The following CDK19 variants were observed in gnomAD, a reference collection of about 807,000 sequenced individuals.
The protein encoded by CDK19 is cyclin-dependent kinase 19.
Under a neutral mutation model 68.3 loss-of-function variants are expected in CDK19, and 20 were observed. The observed-to-expected ratio is 0.29, with a 90% CI of 0.21 to 0.43. CDK19 has a LOEUF of 0.43. Among genes scored for constraint, CDK19 ranks in the 20% least tolerant of loss-of-function variants. The pLI is 1.00. For synonymous variants in CDK19, 221 were observed against 222.8 expected (o/e 0.99, Z 0.07); for missense variants, 339 against 623.5 (o/e 0.54, Z 4.86).
intron 1 of CDK19, among the ~76,000 whole-genome samples, chr6:110,782,749 C>T (rs1382466083): frequency 1.3e-5 from 2 of 152,138 alleles, no homozygotes; most frequent in Admixed American, 1.3e-4. Context: ...TACTCCCTTT[C>T]TCCATCAGGT....
At chr6:110,769,583 T>A (rs1053867168) in intron 1 of CDK19, among the ~76,000 whole-genome samples, 20 of 145,210 alleles carry the variant, frequency 1.4e-4, no homozygotes, top group African/African-American at 4.5e-4. Context: ...AAAAAAATAA[T>A]AATAATAATA....
intron 4 of CDK19, among the ~76,000 whole-genome samples, chr6:110,645,272 T>G (rs1474148077): frequency 2.0e-5 from 3 of 152,162 alleles, no homozygotes; most frequent in Non-Finnish European, 4.4e-5. Context: ...ACAATACAAT[T>G]AAAACTCTAC....
intron 4 of CDK19, among the ~76,000 whole-genome samples, chr6:110,644,323 T>C (rs1412341103): frequency 6.6e-6 from 1 of 151,562 alleles, no homozygotes. Flanking sequence ...AAATTGACTT[T>C]ATGGAGATAG....
intron 4 of CDK19, among the ~76,000 whole-genome samples, chr6:110,660,766 C>A (rs1781572010): frequency 6.6e-6 from 1 of 152,248 alleles, no homozygotes; most frequent in African/African-American, 2.4e-5. Flanking sequence ...CTTCTCCTCT[C>A]TGCCGGCTGA....
chr6:110,806,325 A>T (rs191941401), intron 1 of CDK19, among the ~76,000 whole-genome samples: 2 of 146,714 alleles, frequency 1.4e-5, no homozygotes, highest in Non-Finnish European at 3.0e-5. Context: ...GGGCAAGAAG[A>T]GCGAAACTCC....
chr6:110,635,816 C>A (rs1329572598), intron 5 of CDK19, among the ~76,000 whole-genome samples: 3 of 152,220 alleles, frequency 2.0e-5, no homozygotes, highest in Non-Finnish European at 4.4e-5. Flanking sequence ...GGATTACAGG[C>A]ATGAGCCACT....
At chr6:110,714,591 C>T (rs917814298) in intron 2 of CDK19, among the ~76,000 whole-genome samples, 1 of 152,032 alleles carries the variant, frequency 6.6e-6, no homozygotes, top group Non-Finnish European at 1.5e-5. Context: ...ATTATTATTA[C>T]CATTCTAATG....
At position 110,626,767 on chromosome 6, in the gene CDK19, A is replaced by G; in HGVS notation, c.860+9T>C. The G allele has an allele frequency of 6.7e-7, 1 of 1,503,662 alleles. No individual in the cohort carries two copies. The highest frequency in any genetic ancestry group is 9.1e-7 in the Non-Finnish European group (1 of 1,094,724). 93.1% of individuals were successfully genotyped at this position (1,503,662 alleles called of 1,614,324 possible). ...CACAAAAAGACTAAGACTGTGTGGA[A>G]TTACTTACGTTGTTCTTCTAAAGTC... On this transcript the variant is annotated intron_variant, in intron 8 of 12. Transcript: ENST00000368911.
At chr6:110,725,548 GA>G (rs756292100) in intron 2 of CDK19, among the ~76,000 whole-genome samples, 29 of 152,114 alleles carry the variant, frequency 1.9e-4, no homozygotes, top group Admixed American at 3.3e-4. Context: ...GACAGAGAGA[GA>G]GGGGCAGAGA....
intron 1 of CDK19, among the ~76,000 whole-genome samples, chr6:110,795,979 A>G (rs760475192): frequency 5.3e-5 from 8 of 152,214 alleles, no homozygotes; most frequent in Non-Finnish European, 8.8e-5. Flanking sequence ...GATTCCATTT[A>G]TTACATAATT....
Position 110,719,808 on chromosome 6 carries a change from G to A in CDK19, c.204+26318C>T, listed in dbSNP as rs955482775. On this transcript the variant is annotated intron_variant, in intron 2 of 12. Coordinates refer to ENST00000368911, the MANE Select transcript of CDK19 (RefSeq NM_015076.5). ...TGCAGTGGCGCAATCTGGGCTCACT[G>A]CAACTTCCGCCTCCCAGGTTCAAGC... Among the ~76,000 whole-genome samples, 14 of 152,224 alleles carry A rather than the reference G, an allele frequency of 9.2e-5. No individual in the cohort carries two copies. In the East Asian group the frequency reaches 2.7e-3, roughly 29 times the overall value.
At chr6:110,689,077 T>G (rs1050136770) in intron 2 of CDK19, among the ~76,000 whole-genome samples, 5 of 152,038 alleles carry the variant, frequency 3.3e-5, no homozygotes, top group African/African-American at 1.2e-4. Context: ...ATACGGTGGG[T>G]GTCAGATCTG....
chr6:110,683,900 T>C (rs1772227156), intron 2 of CDK19, among the ~76,000 whole-genome samples: 3 of 150,928 alleles, frequency 2.0e-5, no homozygotes, highest in Admixed American at 6.6e-5. Context: ...TTAGTGGAGA[T>C]GGGGTTTCAC....
rs1460092307 is a variant in CDK19 at position 110,610,796 on chromosome 6, G to A, written c.*3739C>T. On this transcript the variant is annotated 3_prime_UTR_variant, in exon 13 of 13. Coordinates refer to ENST00000368911, the MANE Select transcript of CDK19 (RefSeq NM_015076.5). The stretch of plus-strand genomic sequence containing the variant: ...CTTCCTTCATTGTATAGTTTCTGCT[G>A]CATAAATTTACTCAAAAGCACATCA... The A allele has an allele frequency of 2.0e-5, 3 of 152,092 alleles. No homozygotes were observed. The highest frequency in any genetic ancestry group is 4.4e-5 in the Non-Finnish European group (3 of 68,018). The allele number at this position is 152,092 out of a possible 1,614,324, so 9.4% of individuals were successfully genotyped here.
intron 4 of CDK19, among the ~76,000 whole-genome samples, chr6:110,661,083 A>G (rs1395286938): frequency 1.3e-5 from 2 of 152,224 alleles, no homozygotes; most frequent in Admixed American, 6.5e-5. Flanking sequence ...CTTGCTTCTA[A>G]TAAGTATGAA....
intron 4 of CDK19, among the ~76,000 whole-genome samples, chr6:110,639,131 T>C (rs1779965687): frequency 6.6e-6 from 1 of 152,174 alleles, no homozygotes; most frequent in Non-Finnish European, 1.5e-5. Context: ...TAAACTACCG[T>C]AGAAAAACAT....
chr6:110,701,036 C>G (rs1047801935), intron 2 of CDK19: 4 of 151,990 alleles, frequency 2.6e-5, no homozygotes, highest in Admixed American at 6.6e-5. Flanking sequence ...GAAACCCCGT[C>G]TCTACTAAAA....
intron 2 of CDK19, among the ~76,000 whole-genome samples, chr6:110,672,669 T>C (rs567344382): frequency 5.1e-4 from 78 of 152,300 alleles, no homozygotes; most frequent in Middle Eastern, 3.4e-3. Context: ...TTATCCTCCA[T>C]TGTTTACACA....
chr6:110,718,779 GAT>G (rs1207695470), intron 2 of CDK19, among the ~76,000 whole-genome samples: 1 of 151,786 alleles, frequency 6.6e-6, no homozygotes, highest in Non-Finnish European at 1.5e-5. Context: ...ATCACTAAAA[GAT>G]ATACCAAAAT....
Sources: allele counts gnomAD v4.1 joint callset (sites outside exome capture counted in the v4.1 genomes callset), GRCh38; gene constraint gnomAD v4.1.1; transcripts MANE v1.5; gene names NCBI Gene and HGNC (gene_info 2026-07-23, HGNC 2026-07-21).